ARSB: variants seen among roughly 807,000 people sequenced by gnomAD.
ARSB encodes arylsulfatase B, also known as N-acetylgalactosamine-4-sulfatase.
In ARSB, 41 loss-of-function variants were observed where a neutral mutation model predicts 50.9. The ratio of observed to expected loss-of-function variants is 0.81; its 90% CI spans 0.63 to 1.04. ARSB has a LOEUF of 1.04. Ranked by LOEUF, ARSB falls within the 50% of genes least tolerant of loss-of-function variation. The pLI is 0.00. For missense variants in ARSB, 672 were observed against 693.3 expected, an observed-to-expected ratio of 0.97 and a Z score of 0.35; for synonymous variants, 269 against 284.8, an observed-to-expected ratio of 0.94 and a Z score of 0.56.
At chr5:78,844,052 T>A (rs537633800) in intron 5 of ARSB, among the ~76,000 whole-genome samples, 1 of 152,322 alleles carries the variant, frequency 6.6e-6, no homozygotes, top group South Asian at 2.1e-4. Flanking sequence ...CGTTTTCATA[T>A]CTCTTGGGTC....
At chr5:78,839,275 T>C in intron 6 of ARSB, 81 bp downstream of exon 6, 3 of 1,351,072 alleles carry the variant, frequency 2.2e-6, no homozygotes, top group Middle Eastern at 1.8e-4. Flanking sequence ...AAGAGAAAGC[T>C]AGGCTAGAGA....
chr5:78,877,343 T>C (rs1293138757), intron 5 of ARSB, among the ~76,000 whole-genome samples: 1 of 152,204 alleles, frequency 6.6e-6, no homozygotes, highest in Non-Finnish European at 1.5e-5. Context: ...TGTTTCCAAA[T>C]AACTTAACTG....
chr5:78,830,034 A>G (rs754501903), intron 6 of ARSB, among the ~76,000 whole-genome samples: 2 of 152,192 alleles, frequency 1.3e-5, no homozygotes, highest in African/African-American at 2.4e-5. Flanking sequence ...GAGCCACTGG[A>G]CCTGAGAGGG....
chr5:78,961,111 T>C (rs1448166100), intron 3 of ARSB, among the ~76,000 whole-genome samples: 2 of 152,228 alleles, frequency 1.3e-5, no homozygotes, highest in Non-Finnish European at 2.9e-5. Flanking sequence ...AGTTAGCCTG[T>C]GGATTCTTCA....
chr5:78,866,352 C>G (rs1746735659), intron 5 of ARSB, among the ~76,000 whole-genome samples: 1 of 152,116 alleles, frequency 6.6e-6, no homozygotes, highest in Non-Finnish European at 1.5e-5. Context: ...TATTCACTAT[C>G]ATGAGAACAG....
At chr5:78,950,357 T>C (rs1486524305) in intron 4 of ARSB, among the ~76,000 whole-genome samples, 1 of 152,124 alleles carries the variant, frequency 6.6e-6, no homozygotes, top group Admixed American at 6.5e-5. Context: ...CCCACCCTGC[T>C]TTGCCTCATG....
intron 1 of ARSB, among the ~76,000 whole-genome samples, chr5:78,978,715 C>T (rs1005786940): frequency 8.5e-5 from 13 of 152,114 alleles, no homozygotes; most frequent in African/African-American, 3.1e-4. Context: ...TCAATTGAGT[C>T]TTGACAAGGG....
chr5:78,908,242 T>C (rs10052939), intron 4 of ARSB, among the ~76,000 whole-genome samples: 44,050 of 151,992 alleles, frequency 0.29, 7,037 homozygotes, highest in Middle Eastern at 0.37. Flanking sequence ...AACTCTACCT[T>C]GTGTTGTAAA....
chr5:78,858,773 C>T (rs73124646), intron 5 of ARSB, among the ~76,000 whole-genome samples: 3,786 of 152,232 alleles, frequency 0.025, 112 homozygotes, highest in South Asian at 0.11. Context: ...GACCTGTTAA[C>T]CCTTTGGAAG....
chr5:78,955,583 C>A, intron 3 of ARSB, 81 bp from the exon 4 acceptor site: 2 of 1,178,778 alleles, frequency 1.7e-6, no homozygotes, highest in Non-Finnish European at 2.5e-6. Flanking sequence ...CAGATTTATG[C>A]ATTAATAAAA....
intron 6 of ARSB, among the ~76,000 whole-genome samples, chr5:78,821,560 T>C (rs1744224202): frequency 6.6e-6 from 1 of 152,244 alleles, no homozygotes; most frequent in Non-Finnish European, 1.5e-5. Flanking sequence ...AAACTACTTC[T>C]GACAAGGTTT....
chr5:78,938,308 A>G (rs993839638), intron 4 of ARSB, among the ~76,000 whole-genome samples: 1 of 152,246 alleles, frequency 6.6e-6, no homozygotes, highest in African/African-American at 2.4e-5. Context: ...TACTAATAAA[A>G]TTTTAAAGTG....
chr5:78,888,373 A>C (rs932347660), intron 4 of ARSB, among the ~76,000 whole-genome samples: 1 of 152,240 alleles, frequency 6.6e-6, no homozygotes, highest in African/African-American at 2.4e-5. Flanking sequence ...CAATGTATCG[A>C]AACTTAGAAG....
At chr5:78,921,067 G>A (rs941393977) in intron 4 of ARSB, among the ~76,000 whole-genome samples, 2 of 152,108 alleles carry the variant, frequency 1.3e-5, no homozygotes, top group African/African-American at 4.8e-5. Flanking sequence ...TGACACAGAT[G>A]ATCTTTCCCA....
chr5:78,883,241 G>C (rs980153800), intron 5 of ARSB: 5 of 152,192 alleles, frequency 3.3e-5, no homozygotes, highest in African/African-American at 1.2e-4. Flanking sequence ...GCATATGAAT[G>C]AGCACATAAT....
intron 2 of ARSB, among the ~76,000 whole-genome samples, chr5:78,966,401 T>C (rs1365090182): frequency 2.0e-5 from 3 of 152,226 alleles, no homozygotes; most frequent in African/African-American, 7.2e-5. Context: ...AAATCTTCTC[T>C]GATGCTTTAT....
At chr5:78,855,451 AG>A (rs996095684) in intron 5 of ARSB, among the ~76,000 whole-genome samples, 5 of 152,156 alleles carry the variant, frequency 3.3e-5, no homozygotes, top group Non-Finnish European at 7.4e-5. Flanking sequence ...TTGGCCCCAC[AG>A]GGGAGCACAA....
At chr5:78,856,183 C>A (rs150445540) in intron 5 of ARSB, among the ~76,000 whole-genome samples, 3 of 152,070 alleles carry the variant, frequency 2.0e-5, no homozygotes, top group African/African-American at 7.2e-5. Context: ...TATCTTGGCA[C>A]CCTTGTCAAA....
At chr5:78,911,900 C>T (rs1488186253) in intron 4 of ARSB, among the ~76,000 whole-genome samples, 2 of 152,046 alleles carry the variant, frequency 1.3e-5, no homozygotes, top group Non-Finnish European at 2.9e-5. Flanking sequence ...TTCCTGAAGC[C>T]CATCCAAATT....
Sources: allele counts gnomAD v4.1 joint callset (sites outside exome capture counted in the v4.1 genomes callset), GRCh38; gene constraint gnomAD v4.1.1; transcripts MANE v1.5; gene names NCBI Gene and HGNC (gene_info 2026-07-23, HGNC 2026-07-21).